CATSPERZ: variants seen among roughly 807,000 people sequenced by gnomAD.
The protein encoded by CATSPERZ is catsper channel auxiliary subunit zeta, also known as cation channel sperm-associated auxiliary subunit zeta.
Under a neutral mutation model 21.7 loss-of-function variants are expected in CATSPERZ, and 21 were observed. The observed-to-expected ratio is 0.97, with a 90% CI of 0.69 to 1.39. The LOEUF is 1.39. Ranked by LOEUF, CATSPERZ falls within the 40% of genes most tolerant of loss-of-function variation. CATSPERZ has a pLI of 0.00. For synonymous variants in CATSPERZ, 127 were observed against 108.7 expected (o/e 1.17, Z -1.05); for missense variants, 234 against 259.5 (o/e 0.90, Z 0.68).
intron 2 of CATSPERZ, among the ~76,000 whole-genome samples, chr11:64,302,006 G>C (rs960984412): frequency 2.6e-5 from 4 of 152,144 alleles, no homozygotes; most frequent in Non-Finnish European, 4.4e-5. Flanking sequence ...CCCACCAGTT[G>C]CAAGAGTTAA....
At chr11:64,303,149 T>C (rs749105570) in intron 2 of CATSPERZ, among the ~76,000 whole-genome samples, 2 of 152,144 alleles carry the variant, frequency 1.3e-5, no homozygotes, top group South Asian at 2.1e-4. Flanking sequence ...TCCGCCCACA[T>C]TGGCCTCCCA....
At chr11:64,301,743 T>C (rs2135240009) in intron 2 of CATSPERZ, among the ~76,000 whole-genome samples, 1 of 152,226 alleles carries the variant, frequency 6.6e-6, no homozygotes, top group Middle Eastern at 3.4e-3. Flanking sequence ...CATAGCTCAC[T>C]ACAGCCTCAA....
rs1268835893 is a variant in CATSPERZ, at chr11:64,300,626, C to A, written c.22-31C>A. On this transcript the variant is annotated intron_variant, in intron 1 of 4. Transcript: ENST00000328404. Reference sequence around the variant, plus strand: ...CCTTCCCGCTCCAGCCATCCGCGACCCTTGGCTCCCTCCTTGTATGTGGCC... The same window carrying A: ...CCTTCCCGCTCCAGCCATCCGCGACACTTGGCTCCCTCCTTGTATGTGGCC... 14 of 1,518,082 alleles carry A rather than the reference C, an allele frequency of 9.2e-6. 1 individual carries two copies. The highest frequency in any genetic ancestry group is 1.2e-5 in the Non-Finnish European group (14 of 1,126,630). The allele number at this position is 1,518,082 out of a possible 1,614,324, so 94.0% of individuals were successfully genotyped here.
chr11:64,302,986 G>A (rs1045677718), intron 2 of CATSPERZ, among the ~76,000 whole-genome samples: 7 of 146,388 alleles, frequency 4.8e-5, no homozygotes, highest in Non-Finnish European at 8.9e-5. Flanking sequence ...TGCAAGCTCC[G>A]CCTCCCTGGT....
At chr11:64,302,524 C>A (rs2034942854) in intron 2 of CATSPERZ, among the ~76,000 whole-genome samples, 1 of 152,164 alleles carries the variant, frequency 6.6e-6, no homozygotes, top group Non-Finnish European at 1.5e-5. Flanking sequence ...TCGTGATCCG[C>A]CCACCTCGGC....
rs2286614 is a variant in CATSPERZ at position 64,300,838 on chromosome 11, C to T, written c.203C>T (p.Pro68Leu). 0.15 allele frequency: 228,033 copies of T among 1,559,112 alleles called. 17,728 individuals are homozygous for T. Among genetic ancestry groups the T allele is most frequent in the Middle Eastern group, 0.17 (1,010 of 6,002 alleles). Reference protein sequence around the residue: ...NISKTRGWHSPGRGSLDEGYK... With the variant: ...NISKTRGWHSLGRGSLDEGYK... ...AGCAAGACCCGCGGGTGGCACAGCC[C>T]GGGGCGGGGCTCGTTGGACGAGGGG... The change falls in exon 2 of 5, where the codon CCG becomes CTG. Residue 68 changes from proline (P) to leucine (L), a missense_variant. Coordinates refer to ENST00000328404, the MANE Select transcript of CATSPERZ (RefSeq NM_001039496.2).
Position 64,301,066 on chromosome 11 carries a change from T to A in CATSPERZ, c.352+79T>A, listed in dbSNP as rs549945778. 17 of 1,301,986 alleles carry A rather than the reference T, an allele frequency of 1.3e-5. 1 individual carries two copies. The South Asian group carries it at 2.2e-4, about 17-fold the overall frequency. 80.7% of individuals were successfully genotyped at this position (1,301,986 alleles called of 1,614,324 possible). A position where few individuals can be genotyped will look rare whatever the true frequency, so the allele number is the denominator to read the frequency against. Reference sequence around the variant, plus strand: ...GGACTCAATTTCTGGAGCTGTAAAATGGGGGGAAGCTGATGGGATCCAAGT... The same window carrying A: ...GGACTCAATTTCTGGAGCTGTAAAAAGGGGGGAAGCTGATGGGATCCAAGT... On this transcript the variant is annotated intron_variant, in intron 2 of 4. Coordinates refer to ENST00000328404, the MANE Select transcript of CATSPERZ (RefSeq NM_001039496.2).
rs1297124293 is a variant in CATSPERZ, at chr11:64,304,691, C to T, written c.*45C>T. ...AGCAGCGACCCGAACCAGCCCCGTG[C>T]CAGCCCGGTCCCCAGACCCAAGCCT... On this transcript the variant is annotated 3_prime_UTR_variant, in exon 5 of 5. Coordinates refer to ENST00000328404, the MANE Select transcript of CATSPERZ (RefSeq NM_001039496.2). 2 of 1,505,152 alleles carry T rather than the reference C, an allele frequency of 1.3e-6. No homozygotes were observed. Among genetic ancestry groups the T allele is most frequent in the East Asian group, 2.4e-5 (1 of 40,852 alleles). 93.2% of individuals were successfully genotyped at this position (1,505,152 alleles called of 1,614,324 possible). A position where few individuals can be genotyped will look rare whatever the true frequency, so the allele number is the denominator to read the frequency against.
rs2135243053 is a variant in CATSPERZ, at chr11:64,304,631, G to T, written c.588G>T (p.Arg196Ser). ...IEGLKKRRSK[R>S]LYVN ...GGCTCAAGAAGCGCCGGAGCAAGAG[G>T]CTGTACGTGAATTAAAAACGCCACC... The change falls in exon 5 of 5, where the codon AGG (arginine) becomes AGT (serine). Residue 196 changes from arginine to serine, a missense_variant. By Grantham distance (110) the Arg-to-Ser change is moderately radical (BLOSUM62 -1). Coordinates refer to ENST00000328404, the MANE Select transcript of CATSPERZ (RefSeq NM_001039496.2). 6.4e-7 allele frequency: 1 copy of T among 1,573,108 alleles called. No homozygotes were observed. Among genetic ancestry groups the T allele is most frequent in the East Asian group, 2.4e-5 (1 of 42,428 alleles).
chr11:64,304,748 G>T lies in CATSPERZ; in HGVS notation c.*102G>T. 1.0e-6 allele frequency: 1 copy of T among 972,640 alleles called. No homozygotes were observed. The highest frequency in any genetic ancestry group is 1.5e-6 in the Non-Finnish European group (1 of 655,192). The allele number at this position is 972,640 out of a possible 1,614,324, so 60.3% of individuals were successfully genotyped here. A position where few individuals can be genotyped will look rare whatever the true frequency, so the allele number is the denominator to read the frequency against. Reference sequence around the variant, plus strand: ...ATCCGAGTGGAATTTGAGTCCTAAAGAAATAAAAGAGTCGATGCATGGTCC... The same window carrying T: ...ATCCGAGTGGAATTTGAGTCCTAAATAAATAAAAGAGTCGATGCATGGTCC... On this transcript the variant is annotated 3_prime_UTR_variant, in exon 5 of 5. Coordinates refer to ENST00000328404, the MANE Select transcript of CATSPERZ (RefSeq NM_001039496.2).
chr11:64,300,380 C>G lies in CATSPERZ; in HGVS notation c.-31C>G, dbSNP rs774753414. ...GTTGACTCCCTTCTCGTCTCGAGGCCTGTGGCGTCTGGGTCCGTTGGGGCA... is the reference window on the plus strand; with the variant it reads ...GTTGACTCCCTTCTCGTCTCGAGGCGTGTGGCGTCTGGGTCCGTTGGGGCA... On this transcript the variant is annotated 5_prime_UTR_variant, in exon 1 of 5. Transcript: ENST00000328404. 3 of 1,428,082 alleles carry G rather than the reference C, an allele frequency of 2.1e-6. No individual in the cohort carries two copies. The highest frequency in any genetic ancestry group is 2.3e-5 in the South Asian group (2 of 88,096). The allele number at this position is 1,428,082 out of a possible 1,614,324, so 88.5% of individuals were successfully genotyped here. A position where few individuals can be genotyped will look rare whatever the true frequency, so the allele number is the denominator to read the frequency against.
chr11:64,304,411 A>G, intron 4 of CATSPERZ, 132 bp from the exon 5 acceptor site: 2 of 660,236 alleles, frequency 3.0e-6, no homozygotes. Context: ...CCAGGCTAAC[A>G]CAGACCTGAG....
At chr11:64,302,442 G>A (rs1462398862) in intron 2 of CATSPERZ, among the ~76,000 whole-genome samples, 1 of 151,992 alleles carries the variant, frequency 6.6e-6, no homozygotes, top group Non-Finnish European at 1.5e-5. Flanking sequence ...CAGCACGCCC[G>A]GCTAATTTTT....
At chr11:64,301,389 T>G (rs1187094614) in intron 2 of CATSPERZ, among the ~76,000 whole-genome samples, 1 of 144,354 alleles carries the variant, frequency 6.9e-6, no homozygotes, top group East Asian at 2.1e-4. Flanking sequence ...CAAGTGATCC[T>G]CCCGCCTCCC....
Position 64,300,980 on chromosome 11 carries a change from C to G in CATSPERZ, c.345C>G (p.Ile115Met), listed in dbSNP as rs1472921393. 1.9e-6 allele frequency: 3 copies of G among 1,541,616 alleles called. No homozygotes were observed. In the African/African-American group the frequency reaches 4.1e-5, roughly 21 times the overall value. The change falls in exon 2 of 5, where the codon ATC becomes ATG. Residue 115 changes from isoleucine (I) to methionine (M), a missense_variant. Physicochemically the swap from Ile to Met is conservative, Grantham distance 10 (BLOSUM62 1). Coordinates refer to ENST00000328404, the MANE Select transcript of CATSPERZ (RefSeq NM_001039496.2). ...NLGEKDTASQ[I>M]EAEKSSSMSS... ...GGGAGAAGGACACTGCATCCCAGATCGAGGCCGGTCAGTGTGGCCTCGCCA... is the reference window on the plus strand; with the variant it reads ...GGGAGAAGGACACTGCATCCCAGATGGAGGCCGGTCAGTGTGGCCTCGCCA...
At chr11:64,303,363 C>A in intron 2 of CATSPERZ, 119 bp from the exon 3 acceptor site, 3 of 777,424 alleles carry the variant, frequency 3.9e-6, no homozygotes, top group Non-Finnish European at 6.3e-6. Flanking sequence ...GACCCCAAGG[C>A]TGCACCAGGA....
In CATSPERZ at chr11:64,303,758, TTGC is replaced by T. The variant is rs1402349444; in HGVS notation, c.433-10_433-8del. On this transcript the variant is annotated splice_polypyrimidine_tract_variant and intron_variant, in intron 3 of 4. Transcript: ENST00000328404. ...TGAAGTACCTGGACGCCTAAGCCTC[TTGC>T]TGCTTCTCCAGCTGCCACTGCCCCT... is the stretch of plus-strand genomic sequence containing the variant. The T allele has an allele frequency of 6.3e-7, 1 of 1,590,336 alleles. No individual in the cohort carries two copies. Among genetic ancestry groups the T allele is most frequent in the Admixed American group, 1.8e-5 (1 of 56,222 alleles).
chr11:64,301,252 C>T (rs556755631), intron 2 of CATSPERZ, among the ~76,000 whole-genome samples: 16 of 152,304 alleles, frequency 1.1e-4, no homozygotes, highest in African/African-American at 3.8e-4. Context: ...GCGCAAAGAC[C>T]CCGTGGTAGG....
In CATSPERZ at chr11:64,304,679, ACCAGCCCCGTG is replaced by A; in HGVS notation, c.*41_*51del. The A allele has an allele frequency of 6.5e-7, 1 of 1,540,860 alleles. No individual in the cohort carries two copies. Among genetic ancestry groups the A allele is most frequent in the Non-Finnish European group, 8.8e-7 (1 of 1,138,324 alleles). ...ACCTTGGGCTCGAGCAGCGACCCGA[ACCAGCCCCGTG>A]CCAGCCCGGTCCCCAGACCCAAGCC... On this transcript the variant is annotated 3_prime_UTR_variant, in exon 5 of 5. Coordinates refer to ENST00000328404, the MANE Select transcript of CATSPERZ (RefSeq NM_001039496.2).
Sources: allele counts gnomAD v4.1 joint callset (sites outside exome capture counted in the v4.1 genomes callset), GRCh38; gene constraint gnomAD v4.1.1; transcripts MANE v1.5; gene names NCBI Gene and HGNC (gene_info 2026-07-23, HGNC 2026-07-21).